Variants in GPATCH8 observed in about 807,000 individuals in gnomAD.
The protein encoded by GPATCH8 is G-patch domain containing 8.
GPATCH8 carries 18 observed loss-of-function variants against 118.3 expected under a neutral mutation model. The ratio of observed to expected loss-of-function variants is 0.15; its 90% CI spans 0.11 to 0.23. The LOEUF (loss-of-function observed/expected upper bound fraction) is 0.23. Among genes scored for constraint, GPATCH8 ranks in the 10% least tolerant of loss-of-function variants. The probability of loss-of-function intolerance (pLI) is 1.00; values close to 1 mark genes in which losing one functional copy is unlikely to be tolerated. For missense variants in GPATCH8, 1,631 were observed against 1,873.8 expected, an observed-to-expected ratio of 0.87 and a Z score of 2.39; for synonymous variants, 659 against 684.7, an observed-to-expected ratio of 0.96 and a Z score of 0.59.
At chr17:44,497,216 CA>C (rs1969721055) in intron 1 of GPATCH8, among the ~76,000 whole-genome samples, 1 of 152,138 alleles carries the variant, frequency 6.6e-6, no homozygotes, top group African/African-American at 2.4e-5. Flanking sequence ...GAAACTAAGT[CA>C]CAAGAGCAAA....
intron 3 of GPATCH8, chr17:44,438,851 G>C (rs2050597522): frequency 6.6e-6 from 1 of 152,532 alleles, no homozygotes; most frequent in East Asian, 1.9e-4. Flanking sequence ...GACAGAGGAA[G>C]GACATTTTGT....
chr17:44,430,451 G>C (rs1456355604), intron 5 of GPATCH8, among the ~76,000 whole-genome samples: 1 of 152,074 alleles, frequency 6.6e-6, no homozygotes, highest in Non-Finnish European at 1.5e-5. Flanking sequence ...TATCTCAGTA[G>C]ATGCAAAATA....
At position 44,436,469 on chromosome 17, in the gene GPATCH8, T is replaced by G; in HGVS notation, c.261+9A>C. On this transcript the variant is annotated intron_variant, in intron 4 of 7. Transcript: ENST00000591680. ...TCACAAAACTTATGAGTTAATGAGA[T>G]CAATTTACCTCCATTTCCATGCGAC... 8.3e-7 allele frequency: 1 copy of G among 1,206,746 alleles called. No homozygotes were observed. The highest frequency in any genetic ancestry group is 1.2e-5 in the South Asian group (1 of 82,922). The allele number at this position is 1,206,746 out of a possible 1,614,324, so 74.8% of individuals were successfully genotyped here. A position where few individuals can be genotyped will look rare whatever the true frequency, so the allele number is the denominator to read the frequency against.
At chr17:44,427,305 T>G (rs998694639) in intron 5 of GPATCH8, among the ~76,000 whole-genome samples, 1 of 151,826 alleles carries the variant, frequency 6.6e-6, no homozygotes, top group Non-Finnish European at 1.5e-5. Flanking sequence ...GTGAATTATT[T>G]TTATAGGCTT....
At chr17:44,497,945 AAAAAGAAAAAAAG>A (rs1309287270) in intron 1 of GPATCH8, among the ~76,000 whole-genome samples, 1 of 152,150 alleles carries the variant, frequency 6.6e-6, no homozygotes, top group Admixed American at 6.5e-5. Context: ...TCTCCAAAAA[AAAAAGAAAAAAAG>A]AAAAGAAAAA....
chr17:44,475,015 A>T, intron 1 of GPATCH8, 112 bp from the exon 2 acceptor site: 2 of 680,708 alleles, frequency 2.9e-6, no homozygotes, highest in Non-Finnish European at 5.3e-6. Context: ...TTTTAACCTA[A>T]AAGGACACTG....
At chr17:44,447,644 G>T (rs1223042448) in intron 3 of GPATCH8, among the ~76,000 whole-genome samples, 2 of 146,622 alleles carry the variant, frequency 1.4e-5, no homozygotes, top group African/African-American at 5.1e-5. Context: ...TTTAAGACAG[G>T]TTCTAGCTCT....
intron 7 of GPATCH8, among the ~76,000 whole-genome samples, chr17:44,402,052 T>C (rs1429686757): frequency 6.7e-6 from 1 of 149,482 alleles, no homozygotes; most frequent in Admixed American, 6.7e-5. Context: ...CCGGGCGCAG[T>C]GGCTCACGCC....
chr17:44,495,251 T>C (rs1264350957), intron 1 of GPATCH8, among the ~76,000 whole-genome samples: 2 of 152,130 alleles, frequency 1.3e-5, no homozygotes, highest in Admixed American at 6.6e-5. Context: ...CGAGAATTGC[T>C]TGAACCCAGG....
At position 44,396,527 on chromosome 17, in the gene GPATCH8, T is replaced by A. The variant is rs1001117245; in HGVS notation, c.*1041A>T. 51 of 451,178 alleles carry A rather than the reference T, an allele frequency of 1.1e-4. No individual in the cohort carries two copies. Among genetic ancestry groups the A allele is most frequent in the Middle Eastern group, 6.9e-4 (1 of 1,448 alleles). 27.9% of individuals were successfully genotyped at this position (451,178 alleles called of 1,614,324 possible). A position where few individuals can be genotyped will look rare whatever the true frequency, so the allele number is the denominator to read the frequency against. ...CAAAAAATACATAAGTTTGGTAAAATATACATGCTTAGTCAGTTTTGCATC... is the reference window on the plus strand; with the variant it reads ...CAAAAAATACATAAGTTTGGTAAAAAATACATGCTTAGTCAGTTTTGCATC... On this transcript the variant is annotated 3_prime_UTR_variant, in exon 8 of 8. Transcript: ENST00000591680.
rs545973403 is a variant in GPATCH8, at chr17:44,398,981, G to A, written c.3096C>T (p.Arg1032=). 1 of 1,614,106 alleles carries A rather than the reference G, an allele frequency of 6.2e-7. No homozygotes were observed. Among genetic ancestry groups the A allele is most frequent in the Non-Finnish European group, 8.5e-7 (1 of 1,179,976 alleles). ...ATCGGAAATAGTGGGGGGACTGGGA[G>A]CGGTAGATCTTAGAACGAATGAAGT... The part of the protein sequence containing the change: ...RRDFIRSKIY[R]SQSPHYFRSG... Residue 1032 remains arginine (R), a synonymous_variant, in exon 8 of 8, where the codon CGC becomes CGT. Coordinates refer to ENST00000591680, the MANE Select transcript of GPATCH8 (RefSeq NM_001002909.4).
chr17:44,433,823 A>T (rs1274388506), intron 5 of GPATCH8, among the ~76,000 whole-genome samples: 1 of 152,206 alleles, frequency 6.6e-6, no homozygotes, highest in African/African-American at 2.4e-5. Context: ...TTCAAAACCA[A>T]GAGTAATGAA....
intron 2 of GPATCH8, among the ~76,000 whole-genome samples, chr17:44,468,055 G>A (rs1467486616): frequency 6.7e-6 from 1 of 150,220 alleles, no homozygotes; most frequent in African/African-American, 2.5e-5. Context: ...AGGCTGGAGT[G>A]TAACGGCAAT....
chr17:44,434,596 T>TTGGGAGGCCGAGGCGGGTGAA (rs1441540640), intron 5 of GPATCH8, among the ~76,000 whole-genome samples: 2 of 151,910 alleles, frequency 1.3e-5, no homozygotes, highest in Non-Finnish European at 2.9e-5. Context: ...TCCCAGCACT[T>TTGGGAGGCCGAGGCGGGTGAA]TGGGAGGCCG....
chr17:44,440,785 C>T (rs150820181), intron 3 of GPATCH8, among the ~76,000 whole-genome samples: 1,598 of 152,322 alleles, frequency 0.01, 14 homozygotes, highest in Non-Finnish European at 0.018. Flanking sequence ...GTTAAGGTTA[C>T]ATCAATCTAC....
intron 6 of GPATCH8, chr17:44,407,310 CAA>C (rs1445577985): frequency 6.6e-6 from 1 of 151,104 alleles, no homozygotes; most frequent in Non-Finnish European, 1.5e-5. Flanking sequence ...AAAAATAAAA[CAA>C]GAGTGGAAGA....
At chr17:44,474,297 T>C (rs980428787) in intron 2 of GPATCH8, 10 of 170,916 alleles carry the variant, frequency 5.9e-5, no homozygotes, top group Admixed American at 2.4e-4. Context: ...TGTGAAAAGA[T>C]AGAAATAATC....
At chr17:44,454,327 C>T (rs1487051543) in intron 3 of GPATCH8, among the ~76,000 whole-genome samples, 1 of 151,820 alleles carries the variant, frequency 6.6e-6, no homozygotes, top group Non-Finnish European at 1.5e-5. Flanking sequence ...CTCACTATGT[C>T]GCCCAGGCTG....
chr17:44,487,918 T>C (rs1968908803), intron 1 of GPATCH8, among the ~76,000 whole-genome samples: 1 of 151,760 alleles, frequency 6.6e-6, no homozygotes, highest in Non-Finnish European at 1.5e-5. Flanking sequence ...AAGAAACCAA[T>C]TAGCTTTTTT....
Sources: gnomAD v4.1 joint callset for allele counts (sites outside exome capture counted in the v4.1 genomes callset) on GRCh38, gnomAD v4.1.1 for gene constraint, MANE v1.5 for transcripts, NCBI Gene and HGNC (gene_info 2026-07-23, HGNC 2026-07-21) for gene names.